The following STPG4 variants were observed in gnomAD, a reference collection of about 807,000 sequenced individuals.
STPG4 encodes the protein sperm-tail PG-rich repeat containing 4.
STPG4 carries 41 observed loss-of-function variants against 31.5 expected under a neutral mutation model. The observed-to-expected ratio is 1.30, with a 90% CI of 1.01 to 1.69. The LOEUF is 1.69. STPG4 is among the 40% of genes most tolerant of loss of function. The probability of loss-of-function intolerance (pLI) is 0.00; values close to 1 mark genes in which losing one functional copy is unlikely to be tolerated. For synonymous variants in STPG4, 141 were observed against 103.0 expected (o/e 1.37, Z -2.24); for missense variants, 375 against 293.4 (o/e 1.28, Z -2.03).
chr2:47,092,896 G>T (rs527796238), intron 5 of STPG4, among the ~76,000 whole-genome samples: 1 of 152,006 alleles, frequency 6.6e-6, no homozygotes, highest in African/African-American at 2.4e-5. Flanking sequence ...GGGTTCAAGC[G>T]ATTCTTCTGC....
At chr2:47,094,822 C>T (rs553522061) in intron 5 of STPG4, among the ~76,000 whole-genome samples, 9 of 152,260 alleles carry the variant, frequency 5.9e-5, no homozygotes, top group South Asian at 2.1e-4. Flanking sequence ...TGTCATACCG[C>T]GAAGAAGCCT....
intron 6 of STPG4, among the ~76,000 whole-genome samples, chr2:47,089,035 G>C (rs916470376): frequency 6.6e-6 from 1 of 152,094 alleles, no homozygotes; most frequent in Non-Finnish European, 1.5e-5. Flanking sequence ...ACAACCTTCT[G>C]GTTGTCTTCA....
intron 5 of STPG4, among the ~76,000 whole-genome samples, chr2:47,122,987 A>C (rs1403433883): frequency 1.3e-5 from 2 of 151,858 alleles, no homozygotes; most frequent in Admixed American, 1.3e-4. Context: ...CACCACGCCC[A>C]GCTAATTTTT....
chr2:47,131,044 G>A (rs889708316), intron 3 of STPG4, among the ~76,000 whole-genome samples: 44 of 150,992 alleles, frequency 2.9e-4, no homozygotes, highest in African/African-American at 1.0e-3. Flanking sequence ...GAACTCCTGG[G>A]CTCAAGCAAT....
chr2:47,143,091 G>T (rs1156888429), intron 3 of STPG4, among the ~76,000 whole-genome samples: 2 of 152,100 alleles, frequency 1.3e-5, no homozygotes, highest in African/African-American at 4.8e-5. Flanking sequence ...CTCCCAAACT[G>T]CTGGGATTAC....
At chr2:47,145,407 G>C (rs1686799672) in intron 3 of STPG4, among the ~76,000 whole-genome samples, 1 of 152,224 alleles carries the variant, frequency 6.6e-6, no homozygotes. Flanking sequence ...CCGTCCCTGA[G>C]AGATTATAAC....
At position 47,151,198 on chromosome 2, in the gene STPG4, C is replaced by G. The variant is rs951901943; in HGVS notation, c.399+60G>C. On this transcript the variant is annotated intron_variant, in intron 3 of 6. Coordinates refer to ENST00000445927, the MANE Select transcript of STPG4 (RefSeq NM_001163561.2). ...AAGATATACTCTACGTATAAAAATA[C>G]TTTCCTCAGGGGCTCTTAGTAGCTT... 4 of 1,583,798 alleles carry G rather than the reference C, an allele frequency of 2.5e-6. No individual in the cohort carries two copies. The African/African-American group carries it at 5.4e-5, about 22-fold the overall frequency.
chr2:47,112,743 T>G (rs1166108636), intron 5 of STPG4, among the ~76,000 whole-genome samples: 2 of 152,170 alleles, frequency 1.3e-5, no homozygotes, highest in African/African-American at 4.8e-5. Context: ...ACTACCACCT[T>G]AGAATGCAAA....
At chr2:47,129,755 C>A (rs1214566460) in intron 5 of STPG4, 186 bp downstream of exon 5, 6 of 638,410 alleles carry the variant, frequency 9.4e-6, no homozygotes, top group Non-Finnish European at 1.5e-5. Flanking sequence ...GTATTGCGAT[C>A]CCACACTTGC....
chr2:47,136,346 C>CT (rs915792730), intron 3 of STPG4, among the ~76,000 whole-genome samples: 1 of 152,040 alleles, frequency 6.6e-6, no homozygotes, highest in Non-Finnish European at 1.5e-5. Context: ...CGGGGTTTCA[C>CT]TATGTTGGCC....
In STPG4 at chr2:47,088,236, C is replaced by G. The variant is rs150514016; in HGVS notation, c.625-1106G>C. On this transcript the variant is annotated intron_variant, in intron 6 of 6. Coordinates refer to ENST00000445927, the MANE Select transcript of STPG4 (RefSeq NM_001163561.2). ...CTGGGATTACAGGGGTGCACCACCA[C>G]ACCTGGCCCTATTTTACCAATTATT... Among the ~76,000 whole-genome samples the G allele has an allele frequency of 2.0e-5, 3 of 152,292 alleles. No individual in the cohort carries two copies. In the East Asian group the frequency reaches 5.8e-4, roughly 29 times the overall value.
intron 3 of STPG4, among the ~76,000 whole-genome samples, chr2:47,139,926 C>A (rs772187146): frequency 1.8e-4 from 27 of 152,150 alleles, no homozygotes; most frequent in Non-Finnish European, 3.5e-4. Context: ...CAGGCGCCCA[C>A]CATCACACCC....
chr2:47,152,026 G>C (rs1280251611), intron 2 of STPG4, among the ~76,000 whole-genome samples: 1 of 151,918 alleles, frequency 6.6e-6, no homozygotes, highest in East Asian at 1.9e-4. Context: ...GCATCCCAAA[G>C]TGCTGGGATT....
chr2:47,131,994 GTCTCTAC>G (rs749682024), intron 3 of STPG4, among the ~76,000 whole-genome samples: 116 of 152,190 alleles, frequency 7.6e-4, no homozygotes, highest in Non-Finnish European at 1.2e-3. Flanking sequence ...GCAAAACCCT[GTCTCTAC>G]TAAACATACA....
intron 3 of STPG4, among the ~76,000 whole-genome samples, chr2:47,132,706 T>A (rs1462433037): frequency 1.3e-5 from 2 of 152,238 alleles, no homozygotes; most frequent in Non-Finnish European, 2.9e-5. Flanking sequence ...CTGATTCTGA[T>A]GACAATTACG....
chr2:47,114,302 C>G (rs1279004930), intron 5 of STPG4, among the ~76,000 whole-genome samples: 1 of 151,814 alleles, frequency 6.6e-6, no homozygotes, highest in Non-Finnish European at 1.5e-5. Flanking sequence ...GCCCGGAGTT[C>G]GAGACCAGCC....
At chr2:47,098,178 C>A (rs1436116193) in intron 5 of STPG4, among the ~76,000 whole-genome samples, 4 of 152,190 alleles carry the variant, frequency 2.6e-5, no homozygotes, top group African/African-American at 9.7e-5. Flanking sequence ...GCTGGTCTTC[C>A]AGGCCTCCTC....
intron 5 of STPG4, among the ~76,000 whole-genome samples, chr2:47,100,585 T>C (rs1257449024): frequency 2.7e-5 from 4 of 150,814 alleles, no homozygotes; most frequent in African/African-American, 9.8e-5. Context: ...CGAGTCCCCT[T>C]CCACACTGTG....
chr2:47,137,606 G>A (rs1686621687), intron 3 of STPG4, among the ~76,000 whole-genome samples: 1 of 152,054 alleles, frequency 6.6e-6, no homozygotes, highest in African/African-American at 2.4e-5. Context: ...AACGCATCTG[G>A]GCCTAGCAAT....
Sources: gnomAD v4.1 joint callset for allele counts (sites outside exome capture counted in the v4.1 genomes callset) on GRCh38, gnomAD v4.1.1 for gene constraint, MANE v1.5 for transcripts, NCBI Gene and HGNC (gene_info 2026-07-23, HGNC 2026-07-21) for gene names.